Variants in HNRNPUL1 observed in about 807,000 individuals in gnomAD.
The protein encoded by HNRNPUL1 is heterogeneous nuclear ribonucleoprotein U-like protein 1.
HNRNPUL1 carries 14 observed loss-of-function variants against 108.5 expected under a neutral mutation model. That is an observed-to-expected ratio of 0.13 (90% CI 0.09 to 0.20). The LOEUF (loss-of-function observed/expected upper bound fraction) is 0.20. Ranked by LOEUF, HNRNPUL1 falls within the 10% of genes least tolerant of loss-of-function variation. The pLI is 1.00. For synonymous variants in HNRNPUL1, 422 were observed against 445.2 expected, an observed-to-expected ratio of 0.95 and a Z score of 0.66; for missense variants, 804 against 1,168.3, an observed-to-expected ratio of 0.69 and a Z score of 4.55.
At chr19:41,277,109 CAAAA>C (rs368135195) in intron 5 of HNRNPUL1, among the ~76,000 whole-genome samples, 5 of 111,462 alleles carry the variant, frequency 4.5e-5, no homozygotes, top group Admixed American at 8.7e-5. Flanking sequence ...AAAAAAAAAA[CAAAA>C]AAACAAAAAC....
intron 10 of HNRNPUL1, among the ~76,000 whole-genome samples, chr19:41,297,609 A>C (rs765613229): frequency 2.2e-4 from 34 of 152,170 alleles, no homozygotes; most frequent in Non-Finnish European, 1.2e-4. Flanking sequence ...GAGGCAAACA[A>C]GTTGCCTTTC....
At chr19:41,274,711 T>G (rs2035446554) in intron 4 of HNRNPUL1, among the ~76,000 whole-genome samples, 1 of 152,152 alleles carries the variant, frequency 6.6e-6, no homozygotes, top group African/African-American at 2.4e-5. Flanking sequence ...AGAAGCCCAA[T>G]CAGGTCTGAG....
intron 3 of HNRNPUL1, 81 bp downstream of exon 3, chr19:41,272,316 C>G: frequency 2.8e-6 from 4 of 1,410,372 alleles, no homozygotes; most frequent in Non-Finnish European, 2.9e-6. Flanking sequence ...GACATTTGCA[C>G]TAACCTAGAG....
At chr19:41,266,162 C>T (rs1183517322) in intron 1 of HNRNPUL1, among the ~76,000 whole-genome samples, 1 of 152,092 alleles carries the variant, frequency 6.6e-6, no homozygotes, top group African/African-American at 2.4e-5. Context: ...GGGCCGAGTG[C>T]AGTGGCTCAC....
intron 7 of HNRNPUL1, among the ~76,000 whole-genome samples, chr19:41,283,914 G>A (rs916812609): frequency 1.8e-4 from 27 of 152,158 alleles, no homozygotes; most frequent in African/African-American, 6.3e-4. Context: ...ATTAACCAGC[G>A]CATACTGTAA....
chr19:41,275,808 A>G (rs147982601), intron 4 of HNRNPUL1, among the ~76,000 whole-genome samples: 73 of 152,294 alleles, frequency 4.8e-4, no homozygotes, highest in African/African-American at 1.7e-3. Flanking sequence ...TAGGACTTCT[A>G]AAACATCAGC....
In HNRNPUL1 at chr19:41,272,239, G is replaced by A. The variant is rs774732052; in HGVS notation, c.572+4G>A. 1.2e-6 allele frequency: 2 copies of A among 1,612,538 alleles called. No homozygotes were observed. Among genetic ancestry groups the A allele is most frequent in the Non-Finnish European group, 1.7e-6 (2 of 1,179,610 alleles). On this transcript the variant is annotated splice_donor_region_variant and intron_variant, in intron 3 of 14. Coordinates refer to ENST00000392006, the MANE Select transcript of HNRNPUL1 (RefSeq NM_007040.6). ...TTGAGCACCGAGAGGATAGGAGGTG[G>A]GTGTATGAGGCAGCAGTCACCCTTG...
chr19:41,292,114 T>C lies in HNRNPUL1; in HGVS notation c.1000-131T>C, dbSNP rs2036617298. On this transcript the variant is annotated intron_variant, in intron 7 of 14. Transcript: ENST00000392006. The surrounding 1 kb of genome is among the most constrained non-coding windows in gnomAD (Gnocchi z 4.1). ...ACTGATGCTGCCCAGCTTACCTGTA[T>C]GTTGGGGAAGGATGCACTTCAATCT... 6 of 911,986 alleles carry C rather than the reference T, an allele frequency of 6.6e-6. No individual in the cohort carries two copies. The East Asian group carries it at 1.5e-4, about 22-fold the overall frequency. 56.5% of individuals were successfully genotyped at this position (911,986 alleles called of 1,614,324 possible).
chr19:41,276,021 T>C (rs1183117161), intron 4 of HNRNPUL1, 138 bp from the exon 5 acceptor site: 1 of 1,018,830 alleles, frequency 9.8e-7, no homozygotes, highest in Admixed American at 1.8e-5. Flanking sequence ...GAGAATCACT[T>C]GAACCCGGGA....
At position 41,294,983 on chromosome 19, in the gene HNRNPUL1, T is replaced by A. The variant is rs1315380194; in HGVS notation, c.1518+297T>A. 1.3e-5 allele frequency among the ~76,000 whole-genome samples: 2 copies of A among 152,220 alleles called. No homozygotes were observed. Among genetic ancestry groups the A allele is most frequent in the African/African-American group, 4.8e-5 (2 of 41,462 alleles). On this transcript the variant is annotated intron_variant, in intron 10 of 14. Transcript: ENST00000392006. This position sits in a 1 kb window ranked among gnomAD's most constrained non-coding sequence, Gnocchi z 4.3. ...ATTTCCAAGCCTGAGAGACTGGAGC[T>A]TGAATGCCAGCTCGGCTACTCCCTA...
In HNRNPUL1 at chr19:41,264,701, C is replaced by T. The variant is rs1369532326; in HGVS notation, c.198C>T (p.Thr66=). 1.3e-5 allele frequency: 20 copies of T among 1,543,450 alleles called. No homozygotes were observed. Among genetic ancestry groups the T allele is most frequent in the South Asian group, 2.3e-5 (2 of 86,358 alleles). Residue 66 remains threonine, a synonymous_variant, in exon 1 of 15, where the codon ACC becomes ACT. Coordinates refer to ENST00000392006, the MANE Select transcript of HNRNPUL1 (RefSeq NM_007040.6). ...GGCACATCAACGAGGAGGTCGAGAC[C>T]GAGGGGGGCTCCGAGCTGGAGGGGA... ...RPGHINEEVE[T]EGGSELEGTA...
chr19:41,304,855 A>G (rs931193287), intron 13 of HNRNPUL1, among the ~76,000 whole-genome samples: 2 of 152,180 alleles, frequency 1.3e-5, no homozygotes, highest in African/African-American at 4.8e-5. Flanking sequence ...GCCTGGAATC[A>G]GCTGCCAGGA....
upstream of HNRNPUL1, among the ~76,000 whole-genome samples, chr19:41,263,846 G>T (rs909885981): frequency 3.3e-5 from 5 of 152,176 alleles, no homozygotes; most frequent in African/African-American, 1.2e-4. Context: ...GCAAGGGGCG[G>T]GCTCCTGGTG....
intron 6 of HNRNPUL1, 57 bp downstream of exon 6, chr19:41,279,233 A>G (rs2035762604): frequency 1.6e-6 from 2 of 1,224,980 alleles, no homozygotes; most frequent in East Asian, 2.3e-5. Context: ...CTACCCTTGG[A>G]TTTTCAAGGC....
intron 1 of HNRNPUL1, 169 bp from the exon 2 acceptor site, chr19:41,268,054 A>C: frequency 1.8e-6 from 1 of 551,854 alleles, no homozygotes; most frequent in South Asian, 3.1e-5. Context: ...GCTTGTCTTC[A>C]GCTGTATCCC....
chr19:41,303,002 GGGCTTTGACTGCTT>G (rs2122974837), intron 12 of HNRNPUL1, 53 bp downstream of exon 12: 1 of 1,491,868 alleles, frequency 6.7e-7, no homozygotes. Flanking sequence ...GGTTGGGGCT[GGGCTTTGACTGCTT>G]ATTCAATCAG....
intron 5 of HNRNPUL1, chr19:41,276,556 A>G (rs1250138225): frequency 3.0e-5 from 11 of 363,548 alleles, no homozygotes; most frequent in African/African-American, 1.9e-4. Context: ...TATGTAGTCA[A>G]CCAGTGTAGT....
intron 10 of HNRNPUL1, among the ~76,000 whole-genome samples, chr19:41,296,438 A>G (rs955986216): frequency 1.3e-5 from 2 of 152,170 alleles, no homozygotes; most frequent in Admixed American, 6.5e-5. Context: ...CTTGGCCAAC[A>G]ATGAGACAGA....
intron 7 of HNRNPUL1, among the ~76,000 whole-genome samples, chr19:41,290,854 C>G (rs962657595): frequency 6.6e-6 from 1 of 152,024 alleles, no homozygotes; most frequent in African/African-American, 2.4e-5. Flanking sequence ...GTCAGGAGTT[C>G]GAGACCAGCC....
Sources: gnomAD v4.1 joint callset for allele counts (sites outside exome capture counted in the v4.1 genomes callset) on GRCh38, gnomAD v4.1.1 for gene constraint, Gnocchi (gnomAD v3.1) non-coding constraint, MANE v1.5 for transcripts, NCBI Gene and HGNC (gene_info 2026-07-23, HGNC 2026-07-21) for gene names.